Variants in MAN1C1 observed in about 807,000 individuals in gnomAD.
MAN1C1 encodes the protein mannosyl-oligosaccharide 1,2-alpha-mannosidase IC.
In MAN1C1, 49 loss-of-function variants were observed where a neutral mutation model predicts 71.5. That is an observed-to-expected ratio of 0.69 (90% CI 0.54 to 0.87). The LOEUF is 0.87. Among genes scored for constraint, MAN1C1 ranks in the 40% least tolerant of loss-of-function variants. The probability of loss-of-function intolerance (pLI) is 0.00; values close to 1 mark genes in which losing one functional copy is unlikely to be tolerated. For missense variants in MAN1C1, 743 were observed against 835.0 expected, an observed-to-expected ratio of 0.89 and a Z score of 1.36; for synonymous variants, 352 against 343.7, an observed-to-expected ratio of 1.02 and a Z score of -0.27.
rs1484531055 is a variant in MAN1C1, at chr1:25,617,730, C to T, written c.-68C>T. On this transcript the variant is annotated 5_prime_UTR_variant, in exon 1 of 12. Transcript: ENST00000374332. This position sits in a 1 kb window ranked among gnomAD's most constrained non-coding sequence, Gnocchi z 5.1. ...CCCGGGCGGCGCTCCGGACGCCCTC[C>T]CCTCACCGCGCCCCCGCAGACACGT... 6.2e-6 allele frequency: 9 copies of T among 1,460,032 alleles called. No homozygotes were observed. The East Asian group carries it at 1.7e-4, about 27-fold the overall frequency. 90.4% of individuals were successfully genotyped at this position (1,460,032 alleles called of 1,614,324 possible).
rs2045113967 is a variant in MAN1C1 at position 25,617,287 on chromosome 1, C to G, written c.-511C>G. Among the ~76,000 whole-genome samples the G allele has an allele frequency of 6.6e-6, 1 of 152,050 alleles. No homozygotes were observed. Among genetic ancestry groups the G allele is most frequent in the Non-Finnish European group, 1.5e-5 (1 of 67,946 alleles). ...CTCGGGGCGGCGCTGACACGCCAGC[C>G]CCCCATCGCCTCGGTCCCCTCCGGA... On this transcript the variant is annotated 5_prime_UTR_variant, in exon 1 of 12. Coordinates refer to ENST00000374332, the MANE Select transcript of MAN1C1 (RefSeq NM_020379.4). The surrounding 1 kb of genome is among the most constrained non-coding windows in gnomAD (Gnocchi z 5.1).
At chr1:25,667,028 A>T (rs531847270) in intron 1 of MAN1C1, among the ~76,000 whole-genome samples, 2 of 152,340 alleles carry the variant, frequency 1.3e-5, no homozygotes, top group Admixed American at 6.5e-5. Flanking sequence ...AGCATAGGAA[A>T]GAGAAAATCC....
chr1:25,686,788 G>C (rs1248448292), intron 2 of MAN1C1, among the ~76,000 whole-genome samples: 3 of 152,170 alleles, frequency 2.0e-5, no homozygotes, highest in Non-Finnish European at 2.9e-5. Context: ...TTATTTTTTA[G>C]AGTGAAGAAA....
intron 1 of MAN1C1, among the ~76,000 whole-genome samples, chr1:25,632,355 C>A (rs2045393437): frequency 6.6e-6 from 1 of 152,102 alleles, no homozygotes; most frequent in South Asian, 2.1e-4. Context: ...TGTAATACTT[C>A]CAGTTTCATT....
At position 25,700,783 on chromosome 1, in the gene MAN1C1, T is replaced by G. The variant is rs746337150; in HGVS notation, c.637+14247T>G. Among the ~76,000 whole-genome samples the G allele has an allele frequency of 7.6e-4, 116 of 152,174 alleles. 2 individuals are homozygous for G. The highest frequency in any genetic ancestry group is 3.2e-3 in the Middle Eastern group (1 of 316). The stretch of plus-strand genomic sequence containing the variant: ...GTAGATTTTGACAGACATCAGTAAA[T>G]TTCTCTGTGACAGGTCGGGGGACAG... On this transcript the variant is annotated intron_variant, in intron 2 of 11. Transcript: ENST00000374332.
At chr1:25,731,861 T>A (rs2046914114) in intron 2 of MAN1C1, among the ~76,000 whole-genome samples, 1 of 152,236 alleles carries the variant, frequency 6.6e-6, no homozygotes, top group Admixed American at 6.5e-5. Flanking sequence ...TCTCGGCTCC[T>A]GCTCTGTTCT....
At chr1:25,679,107 G>C (rs1189347857) in intron 1 of MAN1C1, among the ~76,000 whole-genome samples, 2 of 152,152 alleles carry the variant, frequency 1.3e-5, no homozygotes, top group African/African-American at 4.8e-5. Flanking sequence ...ATGCAGAAGA[G>C]AGAAGGAAGG....
At chr1:25,680,607 A>G (rs1299439943) in intron 1 of MAN1C1, among the ~76,000 whole-genome samples, 3 of 152,238 alleles carry the variant, frequency 2.0e-5, no homozygotes, top group South Asian at 4.1e-4. Context: ...TAATCGTAGT[A>G]TCTCAAGTTT....
rs1426643428 is a variant in MAN1C1, at chr1:25,746,163, G to A, written c.638-505G>A. On this transcript the variant is annotated intron_variant, in intron 2 of 11. Transcript: ENST00000374332. This position sits in a 1 kb window ranked among gnomAD's most constrained non-coding sequence, Gnocchi z 4.0. ...CTACTAAAAATACAAAAATTATCTG[G>A]GCGTGGTGGTGGACACCTGTGGTCC... is the stretch of plus-strand genomic sequence containing the variant. Among the ~76,000 whole-genome samples, 1 of 151,330 alleles carries A rather than the reference G, an allele frequency of 6.6e-6. No homozygotes were observed. The highest frequency in any genetic ancestry group is 2.4e-5 in the African/African-American group (1 of 41,088).
chr1:25,736,587 C>T (rs544370984), intron 2 of MAN1C1, among the ~76,000 whole-genome samples: 4 of 152,230 alleles, frequency 2.6e-5, no homozygotes, highest in South Asian at 4.1e-4. Context: ...AGTGCAGTGG[C>T]GCCATCACAG....
chr1:25,660,064 AC>A (rs2045823984), intron 1 of MAN1C1, among the ~76,000 whole-genome samples: 1 of 152,160 alleles, frequency 6.6e-6, no homozygotes, highest in Non-Finnish European at 1.5e-5. Context: ...AATTGCCTAG[AC>A]TTAGGAAAGT....
At chr1:25,757,144 G>GA (rs2047297425) in intron 5 of MAN1C1, among the ~76,000 whole-genome samples, 1 of 152,150 alleles carries the variant, frequency 6.6e-6, no homozygotes, top group African/African-American at 2.4e-5. Context: ...AGTATCAGGG[G>GA]ATCCCCAGCC....
chr1:25,755,226 C>T (rs552143574), intron 5 of MAN1C1, among the ~76,000 whole-genome samples: 12 of 152,272 alleles, frequency 7.9e-5, no homozygotes, highest in South Asian at 4.1e-4. Flanking sequence ...CTGCACAGAC[C>T]GGCCTGGGAG....
At chr1:25,686,359 C>T in intron 1 of MAN1C1, 81 bp from the exon 2 acceptor site, 2 of 1,177,964 alleles carry the variant, frequency 1.7e-6, no homozygotes, top group Non-Finnish European at 2.5e-6. Flanking sequence ...AAACACGTTG[C>T]AAGGGGCAAA....
At chr1:25,772,629 A>G (rs910669643) in intron 8 of MAN1C1, among the ~76,000 whole-genome samples, 1 of 152,140 alleles carries the variant, frequency 6.6e-6, no homozygotes, top group African/African-American at 2.4e-5. Flanking sequence ...ATTTTCTCTA[A>G]ACTGGCTTCC....
intron 1 of MAN1C1, among the ~76,000 whole-genome samples, chr1:25,621,863 A>G (rs1292239570): frequency 1.3e-5 from 2 of 152,050 alleles, no homozygotes; most frequent in African/African-American, 4.8e-5. Flanking sequence ...TCCTGACCTC[A>G]GGTGATCCAC....
chr1:25,774,802 C>G lies in MAN1C1; in HGVS notation c.1257+3030C>G, dbSNP rs559109471. Among the ~76,000 whole-genome samples, 5 of 148,586 alleles carry G rather than the reference C, an allele frequency of 3.4e-5. 1 individual carries two copies. The highest frequency in any genetic ancestry group is 1.2e-4 in the African/African-American group (5 of 40,644). ...TAGCCCTGCTCCACAAGGAACAGCA[C>G]AAATATTTTTGTTAATACATTAAAA... On this transcript the variant is annotated intron_variant, in intron 8 of 11. Transcript: ENST00000374332.
intron 2 of MAN1C1, among the ~76,000 whole-genome samples, chr1:25,701,916 C>G (rs562554446): frequency 6.6e-6 from 1 of 152,092 alleles, no homozygotes; most frequent in Non-Finnish European, 1.5e-5. Context: ...AAAAATCAGC[C>G]GGGCGTGGTG....
At chr1:25,663,421 C>T (rs1165784137) in intron 1 of MAN1C1, among the ~76,000 whole-genome samples, 1 of 152,014 alleles carries the variant, frequency 6.6e-6, no homozygotes, top group Non-Finnish European at 1.5e-5. Context: ...TCTTCCTATA[C>T]ATATGTTGCC....
Sources: allele counts gnomAD v4.1 joint callset (sites outside exome capture counted in the v4.1 genomes callset), GRCh38; gene constraint gnomAD v4.1.1; non-coding constraint Gnocchi (gnomAD v3.1); transcripts MANE v1.5; gene names NCBI Gene and HGNC (gene_info 2026-07-23, HGNC 2026-07-21).